The following RASA4 variants were observed in gnomAD, a reference collection of about 807,000 sequenced individuals.
RASA4 encodes the protein RAS p21 protein activator 4.
RASA4 carries 5 observed loss-of-function variants against 24.0 expected under a neutral mutation model. That is an observed-to-expected ratio of 0.21 (90% CI 0.11 to 0.44). The LOEUF (loss-of-function observed/expected upper bound fraction) is 0.44. Among genes scored for constraint, RASA4 ranks in the 20% least tolerant of loss-of-function variants. The probability of loss-of-function intolerance (pLI) is 0.99; values close to 1 mark genes in which losing one functional copy is unlikely to be tolerated. For missense variants in RASA4, 38 were observed against 293.0 expected (o/e 0.13, Z 6.35); for synonymous variants, 9 against 132.7 (o/e 0.07, Z 6.41).
chr7:102,599,689 C>T (rs1176880814), intron 8 of RASA4, among the ~76,000 whole-genome samples, 171 bp downstream of exon 8: 1 of 143,250 alleles, frequency 7.0e-6, no homozygotes, highest in Non-Finnish European at 1.6e-5. Context: ...GGAGCCCAGC[C>T]AGGATGAGAA....
At position 102,579,984 on chromosome 7, in the gene RASA4, C is replaced by A. The variant is rs1255107139; in HGVS notation, c.*2787G>T. On this transcript the variant is annotated 3_prime_UTR_variant, in exon 21 of 21. Coordinates refer to ENST00000262940, the MANE Select transcript of RASA4 (RefSeq NM_006989.6). Reference sequence around the variant, plus strand: ...TTTTGTAAAGACGGGGATTTCGCCACGTTGCCCAGGCTGGTCTCGAACTCC... The same window carrying A: ...TTTTGTAAAGACGGGGATTTCGCCAAGTTGCCCAGGCTGGTCTCGAACTCC... 13 of 153,798 alleles carry A rather than the reference C, an allele frequency of 8.5e-5. No individual in the cohort carries two copies. The highest frequency in any genetic ancestry group is 7.0e-4 in the Admixed American group (10 of 14,244). The allele number at this position is 153,798 out of a possible 1,614,324, so 9.5% of individuals were successfully genotyped here.
rs1230055593 is a variant in RASA4, at chr7:102,595,334, C to A, written c.1042G>T (p.Ala348Ser). 3 of 1,453,758 alleles carry A rather than the reference C, an allele frequency of 2.1e-6. No individual in the cohort carries two copies. The highest frequency in any genetic ancestry group is 5.3e-5 in the East Asian group (2 of 37,648). 90.1% of individuals were successfully genotyped at this position (1,453,758 alleles called of 1,614,324 possible). ...AGAAAAGACTCCATGGACTTTGAGG[C>A]CAGAGAGTTGCTCCGGAACAGGGTG... The part of the protein sequence containing the change: ...TNTLFRSNSL[A>S]SKSMESFLKV... Residue 348 changes from alanine (A) to serine (S), a missense_variant, in exon 11 of 21, where the codon GCC (alanine) becomes TCC (serine). Ala to Ser is a moderately conservative substitution (Grantham distance 99). Coordinates refer to ENST00000262940, the MANE Select transcript of RASA4 (RefSeq NM_006989.6).
At chr7:102,608,135 ATTT>A (rs1304733488) in intron 4 of RASA4, among the ~76,000 whole-genome samples, 8 of 95,480 alleles carry the variant, frequency 8.4e-5, no homozygotes, top group African/African-American at 2.9e-4. Flanking sequence ...CGCCCAGCTA[ATTT>A]TTTTGTACTT....
intron 8 of RASA4, among the ~76,000 whole-genome samples, chr7:102,597,831 C>CAACCTCCCA (rs1554345727): frequency 2.7e-5 from 1 of 37,704 alleles, no homozygotes; most frequent in Non-Finnish European, 6.4e-5. Context: ...TATCCTGCTT[C>CAACCTCCCA]AGTAGCTTGG....
chr7:102,599,784 C>G (rs1790369104), intron 8 of RASA4, 76 bp downstream of exon 8: 1 of 61,724 alleles, frequency 1.6e-5, no homozygotes, highest in African/African-American at 5.4e-5. Context: ...CCCTGCCCTG[C>G]CTGCCTGTAG....
intron 4 of RASA4, among the ~76,000 whole-genome samples, chr7:102,606,770 G>T: frequency 1.2e-5 from 1 of 81,232 alleles, no homozygotes; most frequent in South Asian, 5.0e-4. Context: ...CTCCTAAGGT[G>T]CTGCGATTAT....
Position 102,580,832 on chromosome 7 carries a change from G to C in RASA4, c.*1939C>G. The C allele has an allele frequency of 1.6e-5, 1 of 64,184 alleles. No homozygotes were observed. The highest frequency in any genetic ancestry group is 4.7e-5 in the African/African-American group (1 of 21,388). 4.0% of individuals were successfully genotyped at this position (64,184 alleles called of 1,614,324 possible). A position where few individuals can be genotyped will look rare whatever the true frequency, so the allele number is the denominator to read the frequency against. ...CACTCCAGCCTGGGCAACACAGTGA[G>C]ACTCTGTCTCAAAAAAAAAAAAAAA... On this transcript the variant is annotated 3_prime_UTR_variant, in exon 21 of 21. Coordinates refer to ENST00000262940, the MANE Select transcript of RASA4 (RefSeq NM_006989.6).
intron 1 of RASA4, among the ~76,000 whole-genome samples, chr7:102,613,817 G>GTCAC (rs1424666679): frequency 6.6e-6 from 1 of 152,042 alleles, no homozygotes; most frequent in African/African-American, 2.4e-5. Context: ...GAGGCAGTGG[G>GTCAC]TCACTGGTCA....
At chr7:102,603,622 A>G (rs1221968102) in intron 5 of RASA4, among the ~76,000 whole-genome samples, 2 of 152,252 alleles carry the variant, frequency 1.3e-5, no homozygotes, top group Non-Finnish European at 2.9e-5. Flanking sequence ...CTCATCTTTG[A>G]TATTTTAAGC....
At chr7:102,610,452 G>A (rs1156507723) in intron 2 of RASA4, among the ~76,000 whole-genome samples, 1 of 143,756 alleles carries the variant, frequency 7.0e-6, no homozygotes, top group Non-Finnish European at 1.5e-5. Context: ...CAAAGACCCT[G>A]CCCAGAGATC....
intron 16 of RASA4, among the ~76,000 whole-genome samples, chr7:102,591,127 A>AC (rs1464432581): frequency 6.8e-5 from 6 of 87,994 alleles, no homozygotes; most frequent in Admixed American, 2.4e-4. Flanking sequence ...CGCAAAAAAA[A>AC]AAGTTAAAGA....
rs1239895292 is a variant in RASA4, at chr7:102,580,856, A to C, written c.*1915T>G. The C allele has an allele frequency of 9.5e-5, 13 of 137,062 alleles. No individual in the cohort carries two copies. The highest frequency in any genetic ancestry group is 1.5e-4 in the African/African-American group (6 of 39,316). The allele number at this position is 137,062 out of a possible 1,614,324, so 8.5% of individuals were successfully genotyped here. On this transcript the variant is annotated 3_prime_UTR_variant, in exon 21 of 21. Coordinates refer to ENST00000262940, the MANE Select transcript of RASA4 (RefSeq NM_006989.6). ...AGACTCTGTCTCAAAAAAAAAAAAAAAAAAAAAACTATAAAGTTCCCCTTC... is the reference window on the plus strand; with the variant it reads ...AGACTCTGTCTCAAAAAAAAAAAAACAAAAAAAACTATAAAGTTCCCCTTC...
At chr7:102,603,865 C>CCCAA (rs1184093971) in intron 5 of RASA4, among the ~76,000 whole-genome samples, 4 of 80,196 alleles carry the variant, frequency 5.0e-5, no homozygotes, top group Non-Finnish European at 5.6e-5. Context: ...AAAAAACCAC[C>CCCAA]AAAAAAAAAA....
chr7:102,596,234 C>G (rs1790219416), intron 8 of RASA4, 105 bp from the exon 9 acceptor site: 1 of 1,288,976 alleles, frequency 7.8e-7, no homozygotes, highest in Admixed American at 1.9e-5. Flanking sequence ...CTTCCCATCT[C>G]TCTGCTCATG....
chr7:102,602,840 A>G (rs1225798423), intron 5 of RASA4, among the ~76,000 whole-genome samples: 2 of 122,630 alleles, frequency 1.6e-5, no homozygotes, highest in African/African-American at 6.1e-5. Flanking sequence ...GTGCTTCTGG[A>G]AGGTCTGCCC....
rs1789641333 is a variant in RASA4 at position 102,580,533 on chromosome 7, G to C, written c.*2238C>G. 2.9e-5 allele frequency: 1 copy of C among 34,454 alleles called. No homozygotes were observed. The highest frequency in any genetic ancestry group is 7.8e-5 in the Non-Finnish European group (1 of 12,800). The allele number at this position is 34,454 out of a possible 1,614,324, so 2.1% of individuals were successfully genotyped here. A position where few individuals can be genotyped will look rare whatever the true frequency, so the allele number is the denominator to read the frequency against. ...CTAGAGGTGTGCACCGTCACACCCAGCTTCAAGTCTCTTATTATAAAGTTC... is the reference window on the plus strand; with the variant it reads ...CTAGAGGTGTGCACCGTCACACCCACCTTCAAGTCTCTTATTATAAAGTTC... On this transcript the variant is annotated 3_prime_UTR_variant, in exon 21 of 21. Transcript: ENST00000262940.
chr7:102,594,896 C>T (rs1285617170), intron 11 of RASA4, among the ~76,000 whole-genome samples: 3 of 51,586 alleles, frequency 5.8e-5, no homozygotes, highest in Non-Finnish European at 1.2e-4. Flanking sequence ...GGGGGGGGTG[C>T]GGGGCACGGA....
At chr7:102,591,841 T>C (rs1790011977) in intron 16 of RASA4, among the ~76,000 whole-genome samples, 1 of 149,462 alleles carries the variant, frequency 6.7e-6, no homozygotes, top group African/African-American at 2.5e-5. Context: ...ATATTCATTT[T>C]TTTTTTTTTT....
chr7:102,599,664 A>T lies in RASA4; in HGVS notation c.737+196T>A, dbSNP rs558021651. On this transcript the variant is annotated intron_variant, in intron 8 of 20. Coordinates refer to ENST00000262940, the MANE Select transcript of RASA4 (RefSeq NM_006989.6). ...ATAAATAAATAAATAAATAAATAAT[A>T]AATAAAGGGGAGGTGGAGCCCAGCC... Among the ~76,000 whole-genome samples the T allele has an allele frequency of 7.0e-4, 102 of 146,402 alleles. No homozygotes were observed. In the East Asian group the frequency reaches 0.019, roughly 27 times the overall value.
Sources: allele counts gnomAD v4.1 joint callset (sites outside exome capture counted in the v4.1 genomes callset), GRCh38; gene constraint gnomAD v4.1.1; transcripts MANE v1.5; gene names NCBI Gene and HGNC (gene_info 2026-07-23, HGNC 2026-07-21).